Variants in MYO10 observed in about 807,000 individuals in gnomAD.
The protein encoded by MYO10 is unconventional myosin-X.
Under a neutral mutation model 257.3 loss-of-function variants are expected in MYO10, and 133 were observed. The ratio of observed to expected loss-of-function variants is 0.52; its 90% CI spans 0.45 to 0.60. MYO10 has a LOEUF of 0.60. Ranked by LOEUF, MYO10 falls within the 20% of genes least tolerant of loss-of-function variation. The pLI is 0.00. For synonymous variants in MYO10, 1,104 were observed against 1,028.6 expected (o/e 1.07, Z -1.40); for missense variants, 2,399 against 2,635.7 (o/e 0.91, Z 1.97).
rs1390700616 is a variant in MYO10, at chr5:16,711,148, C to T, written c.2027G>A (p.Arg676Gln). ...VRIRKAGYAV[R>Q]RPFQDFYKRY... is the part of the protein sequence containing the mutation. ...TTTGTAAAAGTCCTGAAAGGGTCTTCGGACCGCATACCCAGCTTTGCGGAT... is the reference window on the plus strand; with the variant it reads ...TTTGTAAAAGTCCTGAAAGGGTCTTTGGACCGCATACCCAGCTTTGCGGAT... The change falls in exon 20 of 41, where the codon CGA becomes CAA. Residue 676 changes from arginine to glutamine, a missense_variant. Arg to Gln is a conservative substitution (Grantham distance 43). Around this residue, in one of 3 missense-constraint regions of MYO10, gnomAD observed 1,820 missense variants for 1,939.4 expected, o/e 0.94. Transcript: ENST00000513610. 6.2e-6 allele frequency: 10 copies of T among 1,613,908 alleles called. No homozygotes were observed. The highest frequency in any genetic ancestry group is 2.7e-5 in the African/African-American group (2 of 75,036).
chr5:16,853,038 T>C (rs751630406), intron 2 of MYO10, among the ~76,000 whole-genome samples: 2 of 152,040 alleles, frequency 1.3e-5, no homozygotes, highest in Non-Finnish European at 2.9e-5. Flanking sequence ...AGTCACTACC[T>C]AAAAAGAGAG....
intron 1 of MYO10, among the ~76,000 whole-genome samples, chr5:16,923,477 T>C (rs1007354133): frequency 1.3e-5 from 2 of 151,628 alleles, no homozygotes; most frequent in African/African-American, 4.8e-5. Flanking sequence ...TTAGTAGAGA[T>C]GGGGTTTCAC....
intron 3 of MYO10, among the ~76,000 whole-genome samples, chr5:16,816,926 TCTC>T (rs1311471920): frequency 6.6e-6 from 1 of 151,752 alleles, no homozygotes; most frequent in Non-Finnish European, 1.5e-5. Context: ...TTCAAGCAAT[TCTC>T]CTGCCTCAGC....
chr5:16,785,002 TGC>T (rs5866207), intron 4 of MYO10, among the ~76,000 whole-genome samples: 116,199 of 151,846 alleles, frequency 0.77, 44,756 homozygotes, highest in Non-Finnish European at 0.82. Context: ...AGGGGAGGTT[TGC>T]GCGCACACAC....
intron 19 of MYO10, among the ~76,000 whole-genome samples, chr5:16,722,981 A>C (rs967669902): frequency 2.6e-5 from 4 of 152,232 alleles, no homozygotes; most frequent in African/African-American, 4.8e-5. Flanking sequence ...AACAATATGA[A>C]AATCCAATTT....
intron 19 of MYO10, among the ~76,000 whole-genome samples, chr5:16,727,356 C>T (rs909821352): frequency 1.3e-5 from 2 of 152,054 alleles, no homozygotes; most frequent in African/African-American, 4.8e-5. Flanking sequence ...AATTTGATTA[C>T]AATTTTGTTT....
chr5:16,763,130 T>C (rs989106642), intron 14 of MYO10, among the ~76,000 whole-genome samples: 5 of 152,146 alleles, frequency 3.3e-5, no homozygotes, highest in Middle Eastern at 3.2e-3. Context: ...AGTTCTTATA[T>C]AAATCTTAAA....
At chr5:16,916,866 A>C (rs74865015) in intron 1 of MYO10, among the ~76,000 whole-genome samples, 10,542 of 152,282 alleles carry the variant, frequency 0.069, 429 homozygotes, top group African/African-American at 0.11. Context: ...GTTGGTAACA[A>C]AAATGTTGGT....
intron 28 of MYO10, among the ~76,000 whole-genome samples, chr5:16,686,780 G>T (rs1393245857): frequency 6.6e-6 from 1 of 152,062 alleles, no homozygotes; most frequent in Non-Finnish European, 1.5e-5. Flanking sequence ...ACCTACCTCG[G>T]CCTCCCAAAG....
intron 8 of MYO10, among the ~76,000 whole-genome samples, chr5:16,780,217 G>A (rs577139083): frequency 4.5e-4 from 68 of 152,042 alleles, no homozygotes; most frequent in Middle Eastern, 3.4e-3. Flanking sequence ...CAAATATTTA[G>A]AAATTAACTT....
intron 2 of MYO10, among the ~76,000 whole-genome samples, chr5:16,854,716 C>T (rs1163753308): frequency 6.6e-6 from 1 of 152,038 alleles, no homozygotes; most frequent in African/African-American, 2.4e-5. Context: ...TCAAACTGTT[C>T]AATTAAAACA....
intron 2 of MYO10, among the ~76,000 whole-genome samples, chr5:16,864,874 G>A (rs544247116): frequency 6.6e-6 from 1 of 152,312 alleles, no homozygotes; most frequent in Admixed American, 6.5e-5. Context: ...TCAAAACCAA[G>A]TTAAGCTGGA....
intron 1 of MYO10, among the ~76,000 whole-genome samples, chr5:16,894,038 G>A (rs936489092): frequency 7.1e-6 from 1 of 141,694 alleles, no homozygotes; most frequent in Non-Finnish European, 1.6e-5. Context: ...AGATTTTCCA[G>A]ACAAGTTGCA....
At chr5:16,774,870 A>C (rs1378493106) in intron 9 of MYO10, among the ~76,000 whole-genome samples, 4 of 152,232 alleles carry the variant, frequency 2.6e-5, no homozygotes, top group Admixed American at 6.5e-5. Context: ...TTTAAATTTT[A>C]ATAAAATCTG....
intron 28 of MYO10, 76 bp downstream of exon 28, chr5:16,689,748 G>T: frequency 8.1e-7 from 1 of 1,239,076 alleles, no homozygotes; most frequent in South Asian, 1.2e-5. Context: ...ACAGTAAACA[G>T]TGCTCTGTGT....
chr5:16,713,312 A>C, intron 19 of MYO10: 1 of 985,742 alleles, frequency 1.0e-6, no homozygotes, highest in Non-Finnish European at 1.2e-6. Context: ...CCCATCCAAA[A>C]AGTTCAGCCA....
intron 3 of MYO10, among the ~76,000 whole-genome samples, chr5:16,816,545 T>C (rs1253807910): frequency 1.3e-5 from 2 of 151,486 alleles, no homozygotes; most frequent in African/African-American, 2.4e-5. Flanking sequence ...TTCTTTTTTT[T>C]TTTTTTGAGA....
intron 4 of MYO10, among the ~76,000 whole-genome samples, chr5:16,787,631 A>C (rs915141183): frequency 1.7e-5 from 2 of 117,692 alleles, no homozygotes; most frequent in Non-Finnish European, 3.8e-5. Flanking sequence ...AAAAAAAAAA[A>C]AAACTTTCTA....
At chr5:16,767,789 T>G (rs1364813509) in intron 10 of MYO10, among the ~76,000 whole-genome samples, 1 of 152,080 alleles carries the variant, frequency 6.6e-6, no homozygotes, top group Non-Finnish European at 1.5e-5. Flanking sequence ...GAGATTCTCG[T>G]GCCTCAGTCT....
Sources: allele counts gnomAD v4.1 joint callset (sites outside exome capture counted in the v4.1 genomes callset), GRCh38; gene constraint gnomAD v4.1.1; regional missense constraint gnomAD v4.1.1; transcripts MANE v1.5; gene names NCBI Gene and HGNC (gene_info 2026-07-23, HGNC 2026-07-21).